GABRB1: variants seen among roughly 807,000 people sequenced by gnomAD.
GABRB1 encodes the protein gamma-aminobutyric acid type A receptor subunit beta1.
In GABRB1, 17 loss-of-function variants were observed where a neutral mutation model predicts 51.6. That is an observed-to-expected ratio of 0.33 (90% CI 0.23 to 0.49). The LOEUF is 0.49. Among genes scored for constraint, GABRB1 ranks in the 20% least tolerant of loss-of-function variants. The probability of loss-of-function intolerance (pLI) is 0.99; values close to 1 mark genes in which losing one functional copy is unlikely to be tolerated. For synonymous variants in GABRB1, 247 were observed against 218.9 expected, an observed-to-expected ratio of 1.13 and a Z score of -1.14; for missense variants, 410 against 600.6, an observed-to-expected ratio of 0.68 and a Z score of 3.32.
chr4:47,115,705 T>A (rs1332585606), intron 3 of GABRB1, among the ~76,000 whole-genome samples: 2 of 151,620 alleles, frequency 1.3e-5, no homozygotes, highest in Non-Finnish European at 3.0e-5. Flanking sequence ...TGGTAAAGGC[T>A]TTTTCTAACA....
chr4:46,998,665 C>G (rs1474646806), intron 1 of GABRB1, among the ~76,000 whole-genome samples: 1 of 138,896 alleles, frequency 7.2e-6, no homozygotes, highest in Admixed American at 7.9e-5. Context: ...ACCCGGGAGG[C>G]GGAGCTTGCA....
intron 4 of GABRB1, among the ~76,000 whole-genome samples, chr4:47,294,476 G>A (rs1723884455): frequency 6.6e-6 from 1 of 152,254 alleles, no homozygotes; most frequent in Non-Finnish European, 1.5e-5. Flanking sequence ...GGCTCGGAGG[G>A]TCCTACGCCC....
chr4:47,014,434 A>G (rs1268035015), intron 1 of GABRB1, among the ~76,000 whole-genome samples: 2 of 152,184 alleles, frequency 1.3e-5, no homozygotes, highest in Admixed American at 6.6e-5. Flanking sequence ...CACTATTGAC[A>G]TCTTCTTTTA....
chr4:47,305,969 T>A (rs1724452894), intron 4 of GABRB1, among the ~76,000 whole-genome samples: 1 of 152,078 alleles, frequency 6.6e-6, no homozygotes, highest in Admixed American at 6.6e-5. Flanking sequence ...CATAACAAAG[T>A]TTGAGAGAGG....
intron 5 of GABRB1, among the ~76,000 whole-genome samples, chr4:47,348,947 A>G (rs1008252268): frequency 6.6e-6 from 1 of 152,220 alleles, no homozygotes; most frequent in Non-Finnish European, 1.5e-5. Flanking sequence ...AAAGTATACA[A>G]TATGAATAAG....
At chr4:47,014,017 T>C (rs2109442985) in intron 1 of GABRB1, among the ~76,000 whole-genome samples, 1 of 152,304 alleles carries the variant, frequency 6.6e-6, no homozygotes, top group South Asian at 2.1e-4. Context: ...ATTTTAATTA[T>C]AAAATTTTAT....
intron 5 of GABRB1, among the ~76,000 whole-genome samples, chr4:47,348,344 T>C (rs1038279538): frequency 6.6e-6 from 1 of 152,242 alleles, no homozygotes; most frequent in African/African-American, 2.4e-5. Context: ...TCAGGAATGA[T>C]GGTGATGCCA....
chr4:47,032,315 G>C (rs2109468601), intron 2 of GABRB1, 102 bp from the exon 3 acceptor site: 1 of 1,082,788 alleles, frequency 9.2e-7, no homozygotes, highest in Non-Finnish European at 1.3e-6. Context: ...AGCAGGGAGG[G>C]AGCCCGTTAA....
intron 4 of GABRB1, among the ~76,000 whole-genome samples, chr4:47,255,038 A>G (rs1243889472): frequency 6.6e-6 from 1 of 152,156 alleles, no homozygotes; most frequent in African/African-American, 2.4e-5. Flanking sequence ...GATTGAATTG[A>G]AAGAAGAATC....
chr4:47,417,507 T>A (rs1308269968), intron 8 of GABRB1, among the ~76,000 whole-genome samples: 1 of 150,922 alleles, frequency 6.6e-6, no homozygotes, highest in Non-Finnish European at 1.5e-5. Context: ...TTGGCAGCCC[T>A]GGTGAGCGCA....
At chr4:47,246,757 A>T (rs780556208) in intron 4 of GABRB1, among the ~76,000 whole-genome samples, 6 of 151,824 alleles carry the variant, frequency 4.0e-5, no homozygotes, top group Non-Finnish European at 5.9e-5. Flanking sequence ...TGTGGTTTTG[A>T]TTTGCATTTC....
intron 4 of GABRB1, among the ~76,000 whole-genome samples, chr4:47,255,337 CCAAA>C (rs1722158916): frequency 6.6e-6 from 1 of 152,336 alleles, no homozygotes; most frequent in South Asian, 2.1e-4. Context: ...CCTCTTTTCT[CCAAA>C]CAAATACATT....
At chr4:47,202,414 A>T (rs965240634) in intron 4 of GABRB1, among the ~76,000 whole-genome samples, 10 of 152,198 alleles carry the variant, frequency 6.6e-5, no homozygotes, top group African/African-American at 2.4e-4. Flanking sequence ...CAGCAGTGTG[A>T]AAATGGACTA....
At chr4:47,225,297 G>A (rs1720908215) in intron 4 of GABRB1, among the ~76,000 whole-genome samples, 1 of 152,160 alleles carries the variant, frequency 6.6e-6, no homozygotes, top group Non-Finnish European at 1.5e-5. Flanking sequence ...AGAACTTTGT[G>A]AGGATATGCA....
chr4:47,105,930 A>AT (rs1325767976), intron 3 of GABRB1, among the ~76,000 whole-genome samples: 2 of 152,110 alleles, frequency 1.3e-5, no homozygotes, highest in African/African-American at 4.8e-5. Flanking sequence ...TTGAAAAAAA[A>AT]TTTTAACTGG....
upstream of GABRB1, among the ~76,000 whole-genome samples, chr4:47,028,511 A>C (rs1275305659): frequency 2.6e-5 from 4 of 151,728 alleles, no homozygotes; most frequent in African/African-American, 9.7e-5. Context: ...ATAAATTGCA[A>C]ATGTATCTCC....
chr4:47,324,627 A>G (rs1725187074), intron 5 of GABRB1, among the ~76,000 whole-genome samples: 1 of 152,200 alleles, frequency 6.6e-6, no homozygotes, highest in Non-Finnish European at 1.5e-5. Flanking sequence ...GTTCTCAGAA[A>G]GGTCACAAAG....
intron 3 of GABRB1, among the ~76,000 whole-genome samples, chr4:47,066,037 T>C (rs1161709158): frequency 2.0e-5 from 3 of 152,132 alleles, no homozygotes; most frequent in Non-Finnish European, 2.9e-5. Context: ...TAATCAACTA[T>C]AAGATGTATG....
chr4:47,275,793 C>T (rs1723052833), intron 4 of GABRB1, among the ~76,000 whole-genome samples: 1 of 152,108 alleles, frequency 6.6e-6, no homozygotes, highest in African/African-American at 2.4e-5. Flanking sequence ...GATTCATGCA[C>T]ATTTGGCAGT....
Sources: allele counts gnomAD v4.1 joint callset (sites outside exome capture counted in the v4.1 genomes callset), GRCh38; gene constraint gnomAD v4.1.1; transcripts MANE v1.5; gene names NCBI Gene and HGNC (gene_info 2026-07-23, HGNC 2026-07-21).